The following ANTXR1 variants were observed in gnomAD, a reference collection of about 807,000 sequenced individuals.
ANTXR1 encodes the protein anthrax toxin receptor 1.
In ANTXR1, 19 loss-of-function variants were observed where a neutral mutation model predicts 78.1. The observed-to-expected ratio is 0.24, with a 90% confidence interval of 0.17 to 0.36. The LOEUF (loss-of-function observed/expected upper bound fraction) is 0.36. Ranked by LOEUF, ANTXR1 falls within the 10% of genes least tolerant of loss-of-function variation. ANTXR1 has a pLI of 1.00. For synonymous variants in ANTXR1, 273 were observed against 260.5 expected, an observed-to-expected ratio of 1.05 and a Z score of -0.46; for missense variants, 518 against 718.6, an observed-to-expected ratio of 0.72 and a Z score of 3.19.
chr2:69,133,662 G>A (rs1389227361), intron 12 of ANTXR1, among the ~76,000 whole-genome samples: 1 of 152,196 alleles, frequency 6.6e-6, no homozygotes, highest in Non-Finnish European at 1.5e-5. Flanking sequence ...GTAGGCTCTA[G>A]TTTACTTTTC....
Position 69,128,156 on chromosome 2 carries a change from C to T in ANTXR1, c.951+3513C>T, listed in dbSNP as rs372078001. Among the ~76,000 whole-genome samples, 18 of 151,364 alleles carry T rather than the reference C, an allele frequency of 1.2e-4. No homozygotes were observed. In the East Asian group the frequency reaches 1.4e-3, roughly 12 times the overall value. On this transcript the variant is annotated intron_variant, in intron 12 of 17. Coordinates refer to ENST00000303714, the MANE Select transcript of ANTXR1 (RefSeq NM_032208.3). ...GGAGAATCAGCCTGAACATGGGAGGCGGAGGTTGCAGTGAGCTGAGATCAT... is the reference window on the plus strand; with the variant it reads ...GGAGAATCAGCCTGAACATGGGAGGTGGAGGTTGCAGTGAGCTGAGATCAT...
intron 12 of ANTXR1, among the ~76,000 whole-genome samples, chr2:69,147,447 C>T (rs1414920048): frequency 6.6e-6 from 1 of 152,202 alleles, no homozygotes; most frequent in Non-Finnish European, 1.5e-5. Flanking sequence ...CAGCCTCTGC[C>T]ATGGTCCCCC....
At chr2:69,102,807 C>A in intron 9 of ANTXR1, 35 bp from the exon 10 acceptor site, 1 of 1,589,002 alleles carries the variant, frequency 6.3e-7, no homozygotes, top group Non-Finnish European at 8.6e-7. Flanking sequence ...GGTTATTGGC[C>A]AAGTAACGAG....
At chr2:69,084,381 TTAAG>T (rs1395900916) in intron 8 of ANTXR1, among the ~76,000 whole-genome samples, 5 of 152,232 alleles carry the variant, frequency 3.3e-5, no homozygotes, top group Non-Finnish European at 7.3e-5. Flanking sequence ...TAGCATCTAT[TTAAG>T]TGAGTGGGGT....
At chr2:69,210,051 T>C (rs1675002229) in intron 17 of ANTXR1, among the ~76,000 whole-genome samples, 1 of 152,080 alleles carries the variant, frequency 6.6e-6, no homozygotes, top group African/African-American at 2.4e-5. Context: ...GCGATGGTGG[T>C]AGATGAGTGT....
At chr2:69,052,351 G>A (rs1266326204) in intron 3 of ANTXR1, among the ~76,000 whole-genome samples, 2 of 151,884 alleles carry the variant, frequency 1.3e-5, no homozygotes, top group African/African-American at 2.4e-5. Context: ...CCATTTATAT[G>A]AGAATTTTTT....
intron 3 of ANTXR1, among the ~76,000 whole-genome samples, chr2:69,052,696 T>C (rs1170571447): frequency 6.6e-6 from 1 of 152,162 alleles, no homozygotes; most frequent in Admixed American, 6.6e-5. Flanking sequence ...CTTTTATGCC[T>C]TTTGTGATTA....
chr2:69,216,484 C>T (rs1675181920), intron 17 of ANTXR1, among the ~76,000 whole-genome samples: 3 of 152,048 alleles, frequency 2.0e-5, no homozygotes, highest in Admixed American at 2.0e-4. Flanking sequence ...CACATATATA[C>T]ACACATGTAC....
intron 16 of ANTXR1, 65 bp from the exon 17 acceptor site, chr2:69,193,270 A>G (rs1340961605): frequency 1.4e-6 from 2 of 1,430,000 alleles, no homozygotes; most frequent in Non-Finnish European, 2.0e-6. Flanking sequence ...AAGTTCTGTG[A>G]GCCTACGGCG....
intron 8 of ANTXR1, among the ~76,000 whole-genome samples, chr2:69,088,971 C>G (rs1671141299): frequency 6.6e-6 from 1 of 152,136 alleles, no homozygotes; most frequent in Admixed American, 6.5e-5. Flanking sequence ...ATGCTACAGT[C>G]AGGATAGACT....
At chr2:69,092,974 A>G (rs1671288904) in intron 9 of ANTXR1, among the ~76,000 whole-genome samples, 1 of 152,260 alleles carries the variant, frequency 6.6e-6, no homozygotes, top group Admixed American at 6.5e-5. Flanking sequence ...TTCATAAAGA[A>G]AACCCAGACT....
chr2:69,226,921 C>T (rs1242124736), intron 17 of ANTXR1, among the ~76,000 whole-genome samples: 1 of 152,126 alleles, frequency 6.6e-6, no homozygotes, highest in Non-Finnish European at 1.5e-5. Context: ...ATACAGAACA[C>T]GAGCTCAGCC....
intron 17 of ANTXR1, among the ~76,000 whole-genome samples, chr2:69,240,068 A>G (rs1675859237): frequency 6.6e-6 from 1 of 152,236 alleles, no homozygotes; most frequent in African/African-American, 2.4e-5. Context: ...GTCCAAGGAG[A>G]CCATGGGGAG....
At chr2:69,083,809 C>G (rs1670965846) in intron 8 of ANTXR1, among the ~76,000 whole-genome samples, 8 of 152,182 alleles carry the variant, frequency 5.3e-5, no homozygotes. Flanking sequence ...ATTCTGGGCA[C>G]CATTCACATT....
chr2:69,036,561 C>G (rs1669434118), intron 1 of ANTXR1, among the ~76,000 whole-genome samples: 1 of 152,286 alleles, frequency 6.6e-6, no homozygotes, highest in Admixed American at 6.5e-5. Context: ...GGAAATTGGA[C>G]ATGGGATAAA....
intron 12 of ANTXR1, among the ~76,000 whole-genome samples, chr2:69,149,178 G>A (rs1189739758): frequency 6.6e-6 from 1 of 152,136 alleles, no homozygotes; most frequent in Non-Finnish European, 1.5e-5. Context: ...AGAAGTGTCT[G>A]CCCCTGTGCA....
At chr2:69,113,386 A>C (rs1672050678) in intron 10 of ANTXR1, among the ~76,000 whole-genome samples, 1 of 152,234 alleles carries the variant, frequency 6.6e-6, no homozygotes, top group Admixed American at 6.5e-5. Flanking sequence ...AACCCCAGGC[A>C]GGCTAATAGT....
intron 9 of ANTXR1, among the ~76,000 whole-genome samples, chr2:69,095,513 C>T (rs1256705743): frequency 3.3e-5 from 5 of 152,192 alleles, no homozygotes; most frequent in Admixed American, 2.0e-4. Flanking sequence ...AGACTGAGGC[C>T]AGGAATTGAG....
chr2:69,213,762 G>A (rs977057995), intron 17 of ANTXR1, among the ~76,000 whole-genome samples: 1 of 152,194 alleles, frequency 6.6e-6, no homozygotes, highest in Non-Finnish European at 1.5e-5. Context: ...CAGAGTGTCG[G>A]GGCAACACCT....
Sources: allele counts gnomAD v4.1 joint callset (sites outside exome capture counted in the v4.1 genomes callset), GRCh38; gene constraint gnomAD v4.1.1; transcripts MANE v1.5; gene names NCBI Gene and HGNC (gene_info 2026-07-23, HGNC 2026-07-21).